GRIA4: variants seen among roughly 807,000 people sequenced by gnomAD.
GRIA4 encodes the protein glutamate ionotropic receptor AMPA type subunit 4.
GRIA4 carries 34 observed loss-of-function variants against 104.0 expected under a neutral mutation model. The observed-to-expected ratio is 0.33, with a 90% CI of 0.25 to 0.44. The LOEUF (loss-of-function observed/expected upper bound fraction) is 0.44, where lower values mean the gene tolerates loss of function less well. Among genes scored for constraint, GRIA4 ranks in the 20% least tolerant of loss-of-function variants. The pLI, the probability that GRIA4 is intolerant of heterozygous loss-of-function variation, is 1.00. For synonymous variants in GRIA4, 386 were observed against 381.9 expected (o/e 1.01, Z -0.13); for missense variants, 750 against 1,096.5 (o/e 0.68, Z 4.46).
intron 14 of GRIA4, among the ~76,000 whole-genome samples, chr11:105,936,607 G>A (rs1948045647): frequency 6.6e-6 from 1 of 152,158 alleles, no homozygotes; most frequent in Admixed American, 6.6e-5. Context: ...TGTTCCATTG[G>A]TCTAGGGAGT....
chr11:105,816,327 T>A (rs894658829), intron 4 of GRIA4, among the ~76,000 whole-genome samples: 2 of 152,180 alleles, frequency 1.3e-5, no homozygotes, highest in Non-Finnish European at 2.9e-5. Flanking sequence ...TGGGAGATAA[T>A]TGGATCATGG....
intron 3 of GRIA4, among the ~76,000 whole-genome samples, chr11:105,701,697 C>T (rs1201610907): frequency 6.6e-6 from 1 of 152,084 alleles, no homozygotes; most frequent in Non-Finnish European, 1.5e-5. Flanking sequence ...GATTGCACTT[C>T]CACTTGGCCT....
At chr11:105,974,771 A>G (rs1858891693) in intron 16 of GRIA4, 1 of 465,016 alleles carries the variant, frequency 2.2e-6, no homozygotes, top group Non-Finnish European at 3.9e-6. Flanking sequence ...GGTCAGAAAG[A>G]TAAAAACAAA....
At chr11:105,729,331 C>A (rs1373789912) in intron 3 of GRIA4, among the ~76,000 whole-genome samples, 1 of 152,064 alleles carries the variant, frequency 6.6e-6, no homozygotes, top group African/African-American at 2.4e-5. Flanking sequence ...AATAAACCAA[C>A]AACAAGTTCT....
intron 3 of GRIA4, among the ~76,000 whole-genome samples, chr11:105,663,419 GCA>G (rs1734841313): frequency 6.6e-6 from 1 of 151,834 alleles, no homozygotes; most frequent in Non-Finnish European, 1.5e-5. Flanking sequence ...GATAAGTAAG[GCA>G]CAGTCATTAC....
At chr11:105,957,621 A>C (rs1948624695) in intron 14 of GRIA4, among the ~76,000 whole-genome samples, 1 of 152,156 alleles carries the variant, frequency 6.6e-6, no homozygotes, top group Admixed American at 6.5e-5. Flanking sequence ...TATGAACTTT[A>C]AAGTAGTTTT....
intron 3 of GRIA4, among the ~76,000 whole-genome samples, chr11:105,681,179 C>G (rs913634539): frequency 1.7e-4 from 26 of 152,132 alleles, no homozygotes; most frequent in African/African-American, 6.3e-4. Flanking sequence ...GTTGAAAACA[C>G]TATTTTGTAA....
intron 10 of GRIA4, among the ~76,000 whole-genome samples, chr11:105,913,996 T>C (rs1175378994): frequency 1.3e-5 from 2 of 151,940 alleles, no homozygotes; most frequent in Admixed American, 1.3e-4. Flanking sequence ...TAAAATTCTG[T>C]AGATGCACTA....
intron 3 of GRIA4, among the ~76,000 whole-genome samples, chr11:105,645,168 G>T (rs1208789110): frequency 6.6e-6 from 1 of 152,238 alleles, no homozygotes; most frequent in Non-Finnish European, 1.5e-5. Context: ...TGGGTCGGGG[G>T]AAAGAAGTGA....
At chr11:105,722,572 A>C (rs553287214) in intron 3 of GRIA4, among the ~76,000 whole-genome samples, 2 of 152,078 alleles carry the variant, frequency 1.3e-5, no homozygotes, top group Non-Finnish European at 2.9e-5. Flanking sequence ...GGTTGTACCA[A>C]TTCATGTTTT....
intron 9 of GRIA4, among the ~76,000 whole-genome samples, chr11:105,907,190 T>C (rs1367635575): frequency 4.6e-5 from 7 of 152,176 alleles, no homozygotes; most frequent in Admixed American, 3.3e-4. Flanking sequence ...TAACAAAAAT[T>C]AAGACTTTTC....
chr11:105,951,566 C>T (rs768392584), intron 14 of GRIA4, among the ~76,000 whole-genome samples: 5 of 152,120 alleles, frequency 3.3e-5, no homozygotes, highest in Non-Finnish European at 5.9e-5. Context: ...AAGGCCACCA[C>T]AAATAAATAA....
At chr11:105,773,468 C>T (rs1941306455) in intron 4 of GRIA4, among the ~76,000 whole-genome samples, 1 of 152,042 alleles carries the variant, frequency 6.6e-6, no homozygotes, top group Admixed American at 6.6e-5. Context: ...AATATCAAAT[C>T]CACACATATA....
At chr11:105,882,931 T>C (rs1028272551) in intron 5 of GRIA4, among the ~76,000 whole-genome samples, 1 of 152,200 alleles carries the variant, frequency 6.6e-6, no homozygotes, top group African/African-American at 2.4e-5. Context: ...GGTTATGCCA[T>C]AATTTGTTAA....
rs540539475 is a variant in GRIA4, at chr11:105,797,950, G to A, written c.487+44730G>A. 442 of 382,754 alleles carry A rather than the reference G, an allele frequency of 1.2e-3. 8 individuals are homozygous for A. Among genetic ancestry groups the A allele is most frequent in the South Asian group, 8.2e-3 (431 of 52,502 alleles). 23.7% of individuals were successfully genotyped at this position (382,754 alleles called of 1,614,324 possible). ...TGAGCTGATGCCAAGTTTGAATTCTGCCTCATCTATGTATTCATTTATTGA... is the reference window on the plus strand; with the variant it reads ...TGAGCTGATGCCAAGTTTGAATTCTACCTCATCTATGTATTCATTTATTGA... On this transcript the variant is annotated intron_variant, in intron 4 of 16. Coordinates refer to ENST00000282499, the MANE Select transcript of GRIA4 (RefSeq NM_000829.4).
At chr11:105,903,319 G>A (rs188869423) in intron 7 of GRIA4, among the ~76,000 whole-genome samples, 1 of 152,176 alleles carries the variant, frequency 6.6e-6, no homozygotes, top group East Asian at 1.9e-4. Context: ...CATTCTTCTG[G>A]GAGACTGAAC....
At chr11:105,941,907 C>G (rs1948189360) in intron 14 of GRIA4, among the ~76,000 whole-genome samples, 1 of 152,018 alleles carries the variant, frequency 6.6e-6, no homozygotes, top group African/African-American at 2.4e-5. Flanking sequence ...GTAATAATAA[C>G]AGGCCAAAAT....
chr11:105,930,065 T>G (rs1256880381), intron 13 of GRIA4, among the ~76,000 whole-genome samples: 2 of 152,146 alleles, frequency 1.3e-5, no homozygotes, highest in South Asian at 2.1e-4. Flanking sequence ...TAAATGTTCC[T>G]TTATCACTGT....
intron 3 of GRIA4, among the ~76,000 whole-genome samples, chr11:105,669,462 C>T (rs1214645533): frequency 6.6e-6 from 1 of 152,036 alleles, no homozygotes; most frequent in Non-Finnish European, 1.5e-5. Context: ...TTAGGATACA[C>T]GATCACATCT....
Sources: gnomAD v4.1 joint callset for allele counts (sites outside exome capture counted in the v4.1 genomes callset) on GRCh38, gnomAD v4.1.1 for gene constraint, MANE v1.5 for transcripts, NCBI Gene and HGNC (gene_info 2026-07-23, HGNC 2026-07-21) for gene names.